FAM161B: variants seen among roughly 807,000 people sequenced by gnomAD.
The protein encoded by FAM161B is protein FAM161B.
In FAM161B, 46 loss-of-function variants were observed where a neutral mutation model predicts 61.5. The observed-to-expected ratio is 0.75, with a 90% CI of 0.59 to 0.96. FAM161B has a LOEUF of 0.96. Ranked by LOEUF, FAM161B falls within the 40% of genes least tolerant of loss-of-function variation. FAM161B has a pLI of 0.00. For synonymous variants in FAM161B, 284 were observed against 302.7 expected, an observed-to-expected ratio of 0.94 and a Z score of 0.64; for missense variants, 774 against 800.7, an observed-to-expected ratio of 0.97 and a Z score of 0.40.
chr14:73,937,858 G>A (rs1019790730), intron 6 of FAM161B, 90 bp downstream of exon 6: 74 of 1,582,128 alleles, frequency 4.7e-5, no homozygotes, highest in Non-Finnish European at 5.9e-5. Context: ...TACCTACCTC[G>A]ATAACTCTAT....
intron 4 of FAM161B, 69 bp from the exon 5 acceptor site, chr14:73,941,122 T>G: frequency 6.7e-7 from 1 of 1,489,602 alleles, no homozygotes; most frequent in Non-Finnish European, 8.9e-7. Context: ...TTTTTTTTTT[T>G]TTTTTTTTGA....
chr14:73,928,746 C>T (rs573953336), downstream of FAM161B, among the ~76,000 whole-genome samples: 22 of 152,230 alleles, frequency 1.4e-4, 1 homozygote, highest in South Asian at 4.6e-3. Flanking sequence ...AAGTTCGAGA[C>T]AAGCCTGGAC....
rs758203402 is a variant in FAM161B at position 73,940,951 on chromosome 14, T to C, written c.1375A>G (p.Thr459Ala). 3 of 1,612,436 alleles carry C rather than the reference T, an allele frequency of 1.9e-6. No homozygotes were observed. The highest frequency in any genetic ancestry group is 2.5e-6 in the Non-Finnish European group (3 of 1,179,334). Residue 459 changes from threonine (T) to alanine (A), a missense_variant, in exon 5 of 9, where the codon ACC becomes GCC. By Grantham distance (58) the Thr-to-Ala change is moderately conservative. Coordinates refer to ENST00000286544, the MANE Select transcript of FAM161B (RefSeq NM_152445.3). ...CTGACTGCAGATTCCCTCTTCCTGGTGGCATCTGTGATGTGCACAGGGAGA... is the reference window on the plus strand; with the variant it reads ...CTGACTGCAGATTCCCTCTTCCTGGCGGCATCTGTGATGTGCACAGGGAGA... ...NTLPVHITDATRKRESAVRSA... is the reference protein window; with the variant it reads ...NTLPVHITDAARKRESAVRSA...
intron 2 of FAM161B, among the ~76,000 whole-genome samples, chr14:73,945,727 C>T (rs2056060838): frequency 6.6e-6 from 1 of 151,530 alleles, no homozygotes; most frequent in African/African-American, 2.4e-5. Context: ...GGTGCCCGGC[C>T]CATTTTTAAA....
downstream of FAM161B, among the ~76,000 whole-genome samples, chr14:73,931,116 T>C (rs540351921): frequency 6.6e-6 from 1 of 152,294 alleles, no homozygotes; most frequent in Non-Finnish European, 1.5e-5. Flanking sequence ...CCTCTTCCTA[T>C]TTCCTTCTCC....
chr14:73,942,377 T>G lies in FAM161B; in HGVS notation c.1264A>C (p.Arg422=). 26 of 1,613,768 alleles carry G rather than the reference T, an allele frequency of 1.6e-5. No homozygotes were observed. Among genetic ancestry groups the G allele is most frequent in the Non-Finnish European group, 2.1e-5 (25 of 1,179,814 alleles). ...GCTGCCTGGGCTCTCACCTGCCTCC[T>G]TCCGGTGGTGGCAGCATCACAGGGC... ...QRPCDAATTG[R]RQDSPQPPAT... is the part of the protein sequence containing the mutation. Residue 422 remains arginine, a synonymous_variant, in exon 4 of 9, where the codon AGG becomes CGG. Coordinates refer to ENST00000286544, the MANE Select transcript of FAM161B (RefSeq NM_152445.3).
At chr14:73,949,011 C>T (rs970259814) in intron 1 of FAM161B, among the ~76,000 whole-genome samples, 1 of 152,158 alleles carries the variant, frequency 6.6e-6, no homozygotes, top group Non-Finnish European at 1.5e-5. Flanking sequence ...CTCCACCTCC[C>T]GGGTTCAAGT....
At position 73,940,305 on chromosome 14, in the gene FAM161B, A is replaced by G. The variant is rs111788010; in HGVS notation, c.1400+621T>C. ...CTCTTGCTGCCCAACAGACTCTGAC[A>G]TCTTCCCAAGATGAATCTCAGAGAA... On this transcript the variant is annotated intron_variant, in intron 5 of 8. Coordinates refer to ENST00000286544, the MANE Select transcript of FAM161B (RefSeq NM_152445.3). 9.0e-3 allele frequency among the ~76,000 whole-genome samples: 1,370 copies of G among 152,312 alleles called. 12 individuals are homozygous for G. The highest frequency in any genetic ancestry group is 0.031 in the African/African-American group (1,308 of 41,564).
At chr14:73,925,848 A>G in the FAM161B span, among the ~76,000 whole-genome samples, 1 of 152,126 alleles carries the variant, frequency 6.6e-6, no homozygotes, top group African/African-American at 2.4e-5. Flanking sequence ...CCTGGGCAAC[A>G]TAAGACCCCT....
At chr14:73,947,014 G>T (rs923829182) in intron 1 of FAM161B, among the ~76,000 whole-genome samples, 1 of 152,088 alleles carries the variant, frequency 6.6e-6, no homozygotes, top group Non-Finnish European at 1.5e-5. Context: ...CCTACTTCTT[G>T]CTCATCTTCC....
chr14:73,930,402 A>G (rs1443008371), downstream of FAM161B, among the ~76,000 whole-genome samples: 2 of 152,170 alleles, frequency 1.3e-5, no homozygotes, highest in Admixed American at 6.5e-5. Flanking sequence ...GCCTCAAGCA[A>G]TCCTCCTCCC....
chr14:73,949,028 C>T (rs2056097874), intron 1 of FAM161B, among the ~76,000 whole-genome samples: 1 of 152,156 alleles, frequency 6.6e-6, no homozygotes. Context: ...AAGTGATTCT[C>T]CTGCCTCAGC....
Position 73,937,966 on chromosome 14 carries a change from G to C in FAM161B, c.1547C>G (p.Ala516Gly), listed in dbSNP as rs753259563. 2 of 1,614,184 alleles carry C rather than the reference G, an allele frequency of 1.2e-6. No individual in the cohort carries two copies. Among genetic ancestry groups the C allele is most frequent in the South Asian group, 1.1e-5 (1 of 91,080 alleles). The change falls in exon 6 of 9, where the codon GCA becomes GGA. Residue 516 changes from alanine to glycine, a missense_variant. Coordinates refer to ENST00000286544, the MANE Select transcript of FAM161B (RefSeq NM_152445.3). ...PHKSLEEVFK[A>G]KLKENRNNDR... is the part of the protein sequence containing the mutation. ...CACTGACCGGTTCTCTTTCAGCTTT[G>C]CTTTGAACACTTCCTCCAGGCTTTT...
rs2055932304 is a variant in FAM161B at position 73,932,529 on chromosome 14, A to C, written c.*1727T>G. On this transcript the variant is annotated 3_prime_UTR_variant, in exon 9 of 9. Coordinates refer to ENST00000286544, the MANE Select transcript of FAM161B (RefSeq NM_152445.3). ...TACTTCTGAATTTTTCCACAAAGAT[A>C]GTTTTTTTAAAAAAGCTTGAGAAAG... The C allele has an allele frequency of 6.8e-6, 3 of 442,588 alleles. No homozygotes were observed. Among genetic ancestry groups the C allele is most frequent in the South Asian group, 4.9e-5 (3 of 61,464 alleles). 27.4% of individuals were successfully genotyped at this position (442,588 alleles called of 1,614,324 possible). A position where few individuals can be genotyped will look rare whatever the true frequency, so the allele number is the denominator to read the frequency against.
At position 73,944,693 on chromosome 14, in the gene FAM161B, C is replaced by T. The variant is rs1220700619; in HGVS notation, c.567G>A (p.Leu189=). The change falls in exon 3 of 9, where the codon CTG becomes CTA. Residue 189 remains leucine, a synonymous_variant. Coordinates refer to ENST00000286544, the MANE Select transcript of FAM161B (RefSeq NM_152445.3). ...CCTGCTCAAAGGAGGCAGGTGAGCC[C>T]AGCCACTCGGCCTTCTTCCGGGCCT... ...LREARKKAEW[L]GSPASFEQER... 6.2e-7 allele frequency: 1 copy of T among 1,608,162 alleles called. No individual in the cohort carries two copies. Among genetic ancestry groups the T allele is most frequent in the Admixed American group, 1.7e-5 (1 of 59,804 alleles).
chr14:73,931,971 T>C, downstream of FAM161B: 1 of 456,768 alleles, frequency 2.2e-6, no homozygotes, highest in South Asian at 1.5e-5. Context: ...AGTTGAGTTT[T>C]CAAGATGCCT....
At chr14:73,930,795 C>T (rs974156026), downstream of FAM161B, among the ~76,000 whole-genome samples, 1 of 152,100 alleles carries the variant, frequency 6.6e-6, no homozygotes, top group African/African-American at 2.4e-5. Context: ...GAGACAGGGC[C>T]TCACTGTGTT....
At chr14:73,925,148 G>A in the FAM161B span, among the ~76,000 whole-genome samples, 1 of 95,680 alleles carries the variant, frequency 1.0e-5, no homozygotes, top group African/African-American at 3.3e-5. Flanking sequence ...TCTTTTTATT[G>A]TTGTGACCCA....
the FAM161B span, chr14:73,923,419 G>A: frequency 4.2e-5 from 68 of 1,613,396 alleles, no homozygotes; most frequent in Non-Finnish European, 5.4e-5. Context: ...GGATCCCCAC[G>A]TTCCCTGTCT....
Sources: gnomAD v4.1 joint callset for allele counts (sites outside exome capture counted in the v4.1 genomes callset) on GRCh38, gnomAD v4.1.1 for gene constraint, MANE v1.5 for transcripts, NCBI Gene and HGNC (gene_info 2026-07-23, HGNC 2026-07-21) for gene names.